The following JARID2 variants were observed in gnomAD, a reference collection of about 807,000 sequenced individuals.
JARID2 encodes protein Jumonji.
JARID2 carries 21 observed loss-of-function variants against 125.6 expected under a neutral mutation model. The ratio of observed to expected loss-of-function variants is 0.17; its 90% CI spans 0.12 to 0.24. The LOEUF (loss-of-function observed/expected upper bound fraction) is 0.24, where lower values mean the gene tolerates loss of function less well. Among genes scored for constraint, JARID2 ranks in the 10% least tolerant of loss-of-function variants. JARID2 has a pLI of 1.00. For synonymous variants in JARID2, 736 were observed against 661.6 expected (o/e 1.11, Z -1.73); for missense variants, 1,303 against 1,639.6 (o/e 0.79, Z 3.55).
chr6:15,416,287 G>C (rs1766205493), intron 3 of JARID2, among the ~76,000 whole-genome samples: 1 of 152,210 alleles, frequency 6.6e-6, no homozygotes, highest in Admixed American at 6.5e-5. Flanking sequence ...AGACGGGGTG[G>C]CGGCCGGGCA....
At chr6:15,347,863 C>T (rs1044458355) in intron 1 of JARID2, among the ~76,000 whole-genome samples, 1 of 152,144 alleles carries the variant, frequency 6.6e-6, no homozygotes, top group Non-Finnish European at 1.5e-5. Context: ...ACCTTCCTGC[C>T]ACCTCAGCCT....
chr6:15,292,161 C>T lies in JARID2; in HGVS notation c.45+45577C>T, dbSNP rs572101218. Reference sequence around the variant, plus strand: ...CCTCCCGAGTAGCTGGGACCACAGACGCCCGCCACCTCGCCCGGCTAATTT... The same window carrying T: ...CCTCCCGAGTAGCTGGGACCACAGATGCCCGCCACCTCGCCCGGCTAATTT... On this transcript the variant is annotated intron_variant, in intron 1 of 17. Coordinates refer to ENST00000341776, the MANE Select transcript of JARID2 (RefSeq NM_004973.4). Among the ~76,000 whole-genome samples, 408 of 151,988 alleles carry T rather than the reference C, an allele frequency of 2.7e-3. 3 individuals carry two copies. Among genetic ancestry groups the T allele is most frequent in the East Asian group, 4.1e-3 (21 of 5,152 alleles).
At chr6:15,417,896 TCA>T (rs1766307038) in intron 3 of JARID2, among the ~76,000 whole-genome samples, 1 of 152,262 alleles carries the variant, frequency 6.6e-6, no homozygotes, top group East Asian at 1.9e-4. Context: ...CTGACTTGTT[TCA>T]GAGGGTTTTT....
At chr6:15,285,450 A>G (rs1406188384) in intron 1 of JARID2, among the ~76,000 whole-genome samples, 1 of 152,148 alleles carries the variant, frequency 6.6e-6, no homozygotes, top group Non-Finnish European at 1.5e-5. Context: ...GTATATTTTC[A>G]TTATGCAATT....
intron 1 of JARID2, among the ~76,000 whole-genome samples, chr6:15,348,580 T>A (rs1006588068): frequency 1.3e-5 from 2 of 152,198 alleles, no homozygotes; most frequent in African/African-American, 4.8e-5. Context: ...TTTCTAGAAG[T>A]TAACTTGTGG....
chr6:15,382,231 C>T (rs1190849846), intron 2 of JARID2, among the ~76,000 whole-genome samples: 1 of 152,162 alleles, frequency 6.6e-6, no homozygotes, highest in Non-Finnish European at 1.5e-5. Context: ...CCACTGCACT[C>T]CAGCCTAGGC....
At chr6:15,382,007 G>C (rs925069595) in intron 2 of JARID2, among the ~76,000 whole-genome samples, 4 of 152,260 alleles carry the variant, frequency 2.6e-5, no homozygotes, top group African/African-American at 4.8e-5. Context: ...AATGGGGCTG[G>C]GTACTGTGGC....
chr6:15,361,468 A>C (rs1346055757), intron 1 of JARID2, among the ~76,000 whole-genome samples: 1 of 152,236 alleles, frequency 6.6e-6, no homozygotes, highest in Admixed American at 6.5e-5. Context: ...AAATTTCTAC[A>C]TACATCCACT....
chr6:15,516,010 A>C (rs1039294448), intron 16 of JARID2, among the ~76,000 whole-genome samples: 2 of 149,224 alleles, frequency 1.3e-5, no homozygotes, highest in African/African-American at 2.5e-5. Flanking sequence ...AAAAAAAAAA[A>C]CCCGTTATAA....
intron 1 of JARID2, among the ~76,000 whole-genome samples, chr6:15,300,683 T>TTG (rs35433395): frequency 0.051 from 5,779 of 114,176 alleles, 179 homozygotes; most frequent in Middle Eastern, 0.074. Flanking sequence ...TGTCCTCATG[T>TTG]TGTGTGTGTG....
intron 6 of JARID2, among the ~76,000 whole-genome samples, chr6:15,488,110 C>G (rs1416871582): frequency 1.3e-5 from 2 of 152,106 alleles, no homozygotes; most frequent in Non-Finnish European, 2.9e-5. Flanking sequence ...TAGGTGGCTG[C>G]CACCCTGACC....
chr6:15,354,632 C>T (rs1158640749), intron 1 of JARID2, among the ~76,000 whole-genome samples: 1 of 152,022 alleles, frequency 6.6e-6, no homozygotes, highest in Non-Finnish European at 1.5e-5. Context: ...TTAACATTCC[C>T]CAAGATCATA....
intron 1 of JARID2, among the ~76,000 whole-genome samples, chr6:15,323,368 C>T (rs1762421834): frequency 6.6e-6 from 1 of 152,036 alleles, no homozygotes; most frequent in Admixed American, 6.5e-5. Context: ...GGGTGTGCTA[C>T]AGCACCGGGA....
At chr6:15,485,363 T>C (rs1016610838) in intron 5 of JARID2, among the ~76,000 whole-genome samples, 8 of 152,198 alleles carry the variant, frequency 5.3e-5, no homozygotes, top group African/African-American at 1.9e-4. Context: ...GAAGGAAACT[T>C]AGAAGATTAT....
intron 2 of JARID2, among the ~76,000 whole-genome samples, chr6:15,391,239 A>AG (rs1447494023): frequency 2.6e-5 from 4 of 152,312 alleles, no homozygotes; most frequent in African/African-American, 9.6e-5. Context: ...CAAGCATGGA[A>AG]GGAAGGATTG....
intron 1 of JARID2, among the ~76,000 whole-genome samples, chr6:15,256,119 A>G (rs965219343): frequency 1.3e-5 from 2 of 152,224 alleles, no homozygotes; most frequent in African/African-American, 4.8e-5. Flanking sequence ...ATACTGCTGC[A>G]CAAATGCTCA....
intron 1 of JARID2, among the ~76,000 whole-genome samples, chr6:15,348,003 A>G (rs1215695487): frequency 1.3e-5 from 2 of 152,172 alleles, no homozygotes; most frequent in Admixed American, 6.5e-5. Flanking sequence ...GAAGCATCCA[A>G]AGTGCTGGGT....
intron 2 of JARID2, among the ~76,000 whole-genome samples, chr6:15,403,634 T>A (rs569673469): frequency 6.6e-6 from 1 of 152,326 alleles, no homozygotes; most frequent in Non-Finnish European, 1.5e-5. Flanking sequence ...GTGACCCAAC[T>A]TTTCCATGTT....
At chr6:15,495,707 G>A (rs1469652849) in intron 6 of JARID2, among the ~76,000 whole-genome samples, 1 of 152,198 alleles carries the variant, frequency 6.6e-6, no homozygotes, top group African/African-American at 2.4e-5. Flanking sequence ...ATGTGTGTGT[G>A]TCTGTCTCCA....
Sources: allele counts gnomAD v4.1 joint callset (sites outside exome capture counted in the v4.1 genomes callset), GRCh38; gene constraint gnomAD v4.1.1; transcripts MANE v1.5; gene names NCBI Gene and HGNC (gene_info 2026-07-23, HGNC 2026-07-21).